KCNH8: variants seen among roughly 807,000 people sequenced by gnomAD.
KCNH8 encodes the protein potassium voltage-gated channel subfamily H member 8, also known as voltage-gated delayed rectifier potassium channel KCNH8.
KCNH8 carries 70 observed loss-of-function variants against 103.6 expected under a neutral mutation model. That is an observed-to-expected ratio of 0.68 (90% CI 0.56 to 0.82). KCNH8 has a LOEUF of 0.82. KCNH8 is among the 40% of genes least tolerant of loss of function. The pLI is 0.00. For missense variants in KCNH8, 1,217 were observed against 1,329.9 expected (o/e 0.92, Z 1.32); for synonymous variants, 498 against 489.4 (o/e 1.02, Z -0.23).
At chr3:19,494,497 A>T (rs2068395343) in intron 11 of KCNH8, among the ~76,000 whole-genome samples, 1 of 152,210 alleles carries the variant, frequency 6.6e-6, no homozygotes, top group South Asian at 2.1e-4. Flanking sequence ...CTCTTCAGCC[A>T]TGTGGAACTG....
At position 19,170,584 on chromosome 3, in the gene KCNH8, CTATATA is replaced by C. The variant is rs113772694; in HGVS notation, c.76+21809_76+21814del. On this transcript the variant is annotated intron_variant, in intron 1 of 15. Transcript: ENST00000328405. The stretch of plus-strand genomic sequence containing the variant: ...GCAAGTGCCCCACTTCTTGGGGCAT[CTATATA>C]TATATATATATATATATATGTATAC... Among the ~76,000 whole-genome samples, 21 of 114,046 alleles carry C rather than the reference CTATATA, an allele frequency of 1.8e-4. 1 individual carries two copies. Among genetic ancestry groups the C allele is most frequent in the African/African-American group, 6.4e-4 (20 of 31,222 alleles). The allele number at this position is 114,046 out of a possible 152,430, so 74.8% of individuals were successfully genotyped here.
chr3:19,457,014 T>C, intron 11 of KCNH8, 32 bp downstream of exon 11: 1 of 1,450,328 alleles, frequency 6.9e-7, no homozygotes, highest in Non-Finnish European at 9.7e-7. Flanking sequence ...TGCTAAGACC[T>C]AATAACATTG....
chr3:19,371,269 C>T (rs1164129924), intron 5 of KCNH8, among the ~76,000 whole-genome samples: 1 of 148,758 alleles, frequency 6.7e-6, no homozygotes, highest in Non-Finnish European at 1.5e-5. Context: ...TCTCCAGCAC[C>T]TGTTGTTTCC....
At chr3:19,286,100 G>A (rs1236819429) in intron 3 of KCNH8, among the ~76,000 whole-genome samples, 2 of 152,140 alleles carry the variant, frequency 1.3e-5, no homozygotes, top group Non-Finnish European at 2.9e-5. Context: ...AAGGAGTTTA[G>A]GTGGTATGCA....
At chr3:19,287,041 G>A (rs545825562) in intron 3 of KCNH8, among the ~76,000 whole-genome samples, 175 of 152,032 alleles carry the variant, frequency 1.2e-3, no homozygotes, top group African/African-American at 3.9e-3. Context: ...TGAGGGTCAG[G>A]TGATCAAGAG....
At chr3:19,515,494 G>A in intron 14 of KCNH8, 66 bp downstream of exon 14, 2 of 671,136 alleles carry the variant, frequency 3.0e-6, no homozygotes, top group East Asian at 3.6e-5. Flanking sequence ...TGTTTGTTAT[G>A]GGCATTTTTT....
intron 7 of KCNH8, among the ~76,000 whole-genome samples, chr3:19,420,197 G>A (rs1320173177): frequency 2.0e-5 from 3 of 152,194 alleles, no homozygotes; most frequent in Non-Finnish European, 4.4e-5. Context: ...GGCTGCCACT[G>A]CTGCTGTGGT....
At chr3:19,329,768 GA>G (rs2065479526) in intron 3 of KCNH8, among the ~76,000 whole-genome samples, 2 of 152,166 alleles carry the variant, frequency 1.3e-5, no homozygotes, top group South Asian at 4.2e-4. Flanking sequence ...ATTCCGATTT[GA>G]AATGAATTCC....
intron 11 of KCNH8, among the ~76,000 whole-genome samples, chr3:19,467,007 A>C (rs535273218): frequency 6.6e-6 from 1 of 151,796 alleles, no homozygotes; most frequent in African/African-American, 2.4e-5. Flanking sequence ...TTAGACATAC[A>C]TAAGTCTATT....
chr3:19,398,525 C>A (rs1039918956), intron 7 of KCNH8, among the ~76,000 whole-genome samples: 2 of 152,066 alleles, frequency 1.3e-5, no homozygotes, highest in Non-Finnish European at 2.9e-5. Context: ...GATACCAGAT[C>A]TTTAAAGACT....
rs539107806 is a variant in KCNH8, at chr3:19,510,229, T to C, written c.2041-134T>C. On this transcript the variant is annotated intron_variant, in intron 11 of 15. Transcript: ENST00000328405. ...CTCTTCTCTGGCCTGCACAGGTAGA[T>C]CCACACCCCTTCCTGTGCTCCTTCC... The C allele has an allele frequency of 4.2e-5, 28 of 664,052 alleles. No individual in the cohort carries two copies. The South Asian group carries it at 4.4e-4, about 10-fold the overall frequency. The allele number at this position is 664,052 out of a possible 1,614,324, so 41.1% of individuals were successfully genotyped here.
At chr3:19,294,692 T>C (rs1356481533) in intron 3 of KCNH8, among the ~76,000 whole-genome samples, 1 of 152,206 alleles carries the variant, frequency 6.6e-6, no homozygotes, top group African/African-American at 2.4e-5. Flanking sequence ...TCCCAAAACC[T>C]TTTAAAGACA....
intron 7 of KCNH8, among the ~76,000 whole-genome samples, chr3:19,403,111 T>C (rs2066637228): frequency 6.6e-6 from 1 of 151,716 alleles, no homozygotes; most frequent in Admixed American, 6.6e-5. Flanking sequence ...CAATTATTAA[T>C]ATAAGTTTTA....
At chr3:19,525,314 T>C (rs2069045992) in intron 15 of KCNH8, among the ~76,000 whole-genome samples, 1 of 151,900 alleles carries the variant, frequency 6.6e-6, no homozygotes, top group South Asian at 2.1e-4. Context: ...TTATTAGAAA[T>C]GCAGAATCTC....
At chr3:19,503,801 A>C in intron 11 of KCNH8, among the ~76,000 whole-genome samples, 1 of 148,950 alleles carries the variant, frequency 6.7e-6, no homozygotes, top group African/African-American at 2.5e-5. Context: ...GGGGGGAGGG[A>C]TAGCATTAGG....
chr3:19,199,254 ATCTGACAGGGTGC>A (rs2063632558), intron 1 of KCNH8, among the ~76,000 whole-genome samples: 1 of 152,138 alleles, frequency 6.6e-6, no homozygotes, highest in Admixed American at 6.6e-5. Context: ...TTTGTTTTTC[ATCTGACAGGGTGC>A]TTTTAGAACA....
At chr3:19,431,533 T>C (rs1379543954) in intron 7 of KCNH8, among the ~76,000 whole-genome samples, 1 of 152,218 alleles carries the variant, frequency 6.6e-6, no homozygotes, top group Non-Finnish European at 1.5e-5. Flanking sequence ...TTTTGGTTTT[T>C]TGGAATAGTT....
chr3:19,203,365 A>G (rs1414283176), intron 1 of KCNH8, among the ~76,000 whole-genome samples: 2 of 152,082 alleles, frequency 1.3e-5, no homozygotes, highest in East Asian at 3.9e-4. Context: ...TTGTCAAAGG[A>G]AATATTCTAA....
At chr3:19,186,404 C>G (rs912599616) in intron 1 of KCNH8, among the ~76,000 whole-genome samples, 2 of 151,836 alleles carry the variant, frequency 1.3e-5, no homozygotes, top group Admixed American at 1.3e-4. Context: ...CAAAAGAAAA[C>G]CTTGTTGAAA....
Sources: allele counts gnomAD v4.1 joint callset (sites outside exome capture counted in the v4.1 genomes callset), GRCh38; gene constraint gnomAD v4.1.1; transcripts MANE v1.5; gene names NCBI Gene and HGNC (gene_info 2026-07-23, HGNC 2026-07-21).